Variants in PCDH15 observed in about 807,000 individuals in gnomAD.
The protein encoded by PCDH15 is protocadherin-15.
PCDH15 carries 129 observed loss-of-function variants against 178.5 expected under a neutral mutation model. The ratio of observed to expected loss-of-function variants is 0.72; its 90% CI spans 0.63 to 0.84. The LOEUF is 0.84. Among genes scored for constraint, PCDH15 ranks in the 40% least tolerant of loss-of-function variants. The pLI is 0.00. For synonymous variants in PCDH15, 800 were observed against 732.0 expected, an observed-to-expected ratio of 1.09 and a Z score of -1.50; for missense variants, 2,230 against 2,099.9, an observed-to-expected ratio of 1.06 and a Z score of -1.21.
chr10:54,140,871 A>G (rs2043344718), intron 14 of PCDH15, among the ~76,000 whole-genome samples: 1 of 152,062 alleles, frequency 6.6e-6, no homozygotes, highest in Non-Finnish European at 1.5e-5. Context: ...TTTAGTAGAG[A>G]TTGAGTTTCA....
chr10:54,186,645 C>A (rs2048498280), intron 11 of PCDH15, among the ~76,000 whole-genome samples: 1 of 151,886 alleles, frequency 6.6e-6, no homozygotes, highest in Non-Finnish European at 1.5e-5. Context: ...AGTAATACTA[C>A]ACATAATAAT....
chr10:54,805,887 A>G (rs993027712), upstream of PCDH15, among the ~76,000 whole-genome samples: 1 of 152,202 alleles, frequency 6.6e-6, no homozygotes, highest in African/African-American at 2.4e-5. Flanking sequence ...ATAATTCTTA[A>G]AGAGTATTAA....
At chr10:54,161,184 C>G (rs1207130214) in intron 13 of PCDH15, among the ~76,000 whole-genome samples, 1 of 152,094 alleles carries the variant, frequency 6.6e-6, no homozygotes, top group Non-Finnish European at 1.5e-5. Context: ...TGTGTTTTCA[C>G]AAGATGGATT....
chr10:54,573,713 C>T (rs919499048), intron 2 of PCDH15, among the ~76,000 whole-genome samples: 1 of 151,658 alleles, frequency 6.6e-6, no homozygotes, highest in African/African-American at 2.4e-5. Context: ...GATAGTTTTC[C>T]CCAACTTCAG....
intron 26 of PCDH15, among the ~76,000 whole-genome samples, chr10:53,876,401 T>A (rs2080246145): frequency 6.6e-6 from 1 of 152,070 alleles, no homozygotes; most frequent in Non-Finnish European, 1.5e-5. Flanking sequence ...TTGGCCACGA[T>A]GGTCTTGATC....
At chr10:55,303,168 T>C (rs1843331458) in intron 1 of PCDH15, among the ~76,000 whole-genome samples, 1 of 152,168 alleles carries the variant, frequency 6.6e-6, no homozygotes, top group Non-Finnish European at 1.5e-5. Flanking sequence ...TATAGTCCTA[T>C]CATTTCTGTA....
At chr10:55,071,810 C>T (rs1188785798) in intron 2 of PCDH15, among the ~76,000 whole-genome samples, 6 of 152,130 alleles carry the variant, frequency 3.9e-5, no homozygotes. Flanking sequence ...TTCAGCACCA[C>T]ACCACACCTA....
intron 3 of PCDH15, among the ~76,000 whole-genome samples, chr10:54,527,459 T>C (rs758583100): frequency 4.6e-5 from 7 of 152,134 alleles, no homozygotes; most frequent in Admixed American, 3.9e-4. Flanking sequence ...AAGGCTTATT[T>C]TGTGGACCAC....
At chr10:55,424,726 T>C (rs1029855721) in intron 2 of PCDH15, among the ~76,000 whole-genome samples, 2 of 152,000 alleles carry the variant, frequency 1.3e-5, no homozygotes, top group Non-Finnish European at 2.9e-5. Context: ...AAAAAATGCT[T>C]ATATAAGAAA....
intron 2 of PCDH15, among the ~76,000 whole-genome samples, chr10:55,342,070 T>A (rs1023006402): frequency 3.3e-5 from 5 of 150,854 alleles, no homozygotes; most frequent in African/African-American, 1.2e-4. Context: ...AGAAAATCAA[T>A]CTTTTCATTT....
chr10:54,495,104 GCA>G (rs2079987796), intron 3 of PCDH15, among the ~76,000 whole-genome samples: 1 of 152,106 alleles, frequency 6.6e-6, no homozygotes, highest in Non-Finnish European at 1.5e-5. Context: ...TACTGTCCTT[GCA>G]CAGAGTGTGA....
At chr10:54,391,747 G>A (rs1170362418) in intron 3 of PCDH15, among the ~76,000 whole-genome samples, 2 of 152,148 alleles carry the variant, frequency 1.3e-5, no homozygotes, top group Non-Finnish European at 2.9e-5. Context: ...ATTTGTGGAA[G>A]CCAACTGAAT....
chr10:54,807,814 AT>A (rs1343932795), intron 3 of PCDH15, among the ~76,000 whole-genome samples: 1 of 151,024 alleles, frequency 6.6e-6, no homozygotes, highest in Non-Finnish European at 1.5e-5. Context: ...TGACTGAATT[AT>A]TTTGATCACA....
At chr10:53,905,250 CTGATA>C (rs762572569) in intron 25 of PCDH15, 1 of 517,744 alleles carries the variant, frequency 1.9e-6, no homozygotes, top group Non-Finnish European at 3.9e-6. Context: ...GTCCTGCATT[CTGATA>C]TAACAAAGAC....
chr10:54,918,581 T>TG (rs1409265732), intron 2 of PCDH15, among the ~76,000 whole-genome samples: 9 of 152,292 alleles, frequency 5.9e-5, no homozygotes, highest in Middle Eastern at 3.4e-3. Context: ...TTCAGTTTCC[T>TG]GATTACACAC....
At chr10:55,200,210 C>T (rs922413438) in intron 1 of PCDH15, among the ~76,000 whole-genome samples, 1 of 152,142 alleles carries the variant, frequency 6.6e-6, no homozygotes, top group African/African-American at 2.4e-5. Flanking sequence ...TGCAAAGCAA[C>T]ATGGAAGGAG....
At chr10:54,379,976 G>A (rs1948984712) in intron 3 of PCDH15, among the ~76,000 whole-genome samples, 2 of 151,972 alleles carry the variant, frequency 1.3e-5, no homozygotes, top group South Asian at 4.1e-4. Context: ...AACGAAAAAA[G>A]TATCTGTTGC....
At chr10:55,539,609 C>G (rs1841710932) in intron 2 of PCDH15, among the ~76,000 whole-genome samples, 1 of 152,032 alleles carries the variant, frequency 6.6e-6, no homozygotes, top group Non-Finnish European at 1.5e-5. Flanking sequence ...TGTTTTTTGA[C>G]AGTAATCATT....
chr10:54,884,774 A>T (rs1215046072), intron 3 of PCDH15, among the ~76,000 whole-genome samples: 1 of 152,100 alleles, frequency 6.6e-6, no homozygotes, highest in East Asian at 1.9e-4. Context: ...AATTTAAAAT[A>T]AATATGATTC....
Sources: allele counts gnomAD v4.1 joint callset (sites outside exome capture counted in the v4.1 genomes callset), GRCh38; gene constraint gnomAD v4.1.1; transcripts MANE v1.5; gene names NCBI Gene and HGNC (gene_info 2026-07-23, HGNC 2026-07-21).